Variants in CAPN7 observed in about 807,000 individuals in gnomAD.
The protein encoded by CAPN7 is calpain 7, also known as calpain-7.
A neutral mutation model predicts 115.2 loss-of-function variants in CAPN7; 72 were observed. That is an observed-to-expected ratio of 0.63 (90% CI 0.52 to 0.76). The LOEUF (loss-of-function observed/expected upper bound fraction) is 0.76, where lower values mean the gene tolerates loss of function less well. Among genes scored for constraint, CAPN7 ranks in the 30% least tolerant of loss-of-function variants. The pLI, the probability that CAPN7 is intolerant of heterozygous loss-of-function variation, is 0.00. For synonymous variants in CAPN7, 344 were observed against 322.3 expected (o/e 1.07, Z -0.72); for missense variants, 905 against 971.5 (o/e 0.93, Z 0.91).
chr3:15,229,679 G>C (rs1049996679), intron 8 of CAPN7, among the ~76,000 whole-genome samples: 1 of 145,276 alleles, frequency 6.9e-6, no homozygotes, highest in East Asian at 2.1e-4. Context: ...GGGTTCAAGC[G>C]ATTCTCCTGC....
chr3:15,221,084 G>T (rs1175036723), intron 5 of CAPN7, 103 bp downstream of exon 5: 6 of 865,230 alleles, frequency 6.9e-6, no homozygotes, highest in Non-Finnish European at 1.1e-5. Flanking sequence ...TTCTCCTATA[G>T]TGTATTGTGC....
At chr3:15,217,931 T>C (rs1693736170) in intron 3 of CAPN7, among the ~76,000 whole-genome samples, 1 of 152,230 alleles carries the variant, frequency 6.6e-6, no homozygotes, top group East Asian at 1.9e-4. Context: ...GCTAGTGGTT[T>C]GGATGAGCCT....
intron 2 of CAPN7, among the ~76,000 whole-genome samples, chr3:15,214,961 G>A (rs149528999): frequency 0.011 from 1,739 of 152,326 alleles, 36 homozygotes; most frequent in African/African-American, 0.037. Flanking sequence ...GGCCAAGGCT[G>A]TTGCTAAAAA....
intron 1 of CAPN7, among the ~76,000 whole-genome samples, chr3:15,208,633 A>C (rs1448438519): frequency 6.6e-6 from 1 of 152,016 alleles, no homozygotes; most frequent in African/African-American, 2.4e-5. Context: ...TTGGGCATTC[A>C]GTTGATTTTG....
chr3:15,252,300 C>G lies in CAPN7; in HGVS notation c.*1040C>G, dbSNP rs534095997. ...AATTGAAATAAAATGTTTATACTTA[C>G]GGATATTGCATAGTTTAAGTTAGAT... On this transcript the variant is annotated 3_prime_UTR_variant, in exon 21 of 21. Coordinates refer to ENST00000253693, the MANE Select transcript of CAPN7 (RefSeq NM_014296.3). The G allele has an allele frequency of 6.6e-6, 1 of 152,504 alleles. No individual in the cohort carries two copies. The allele number at this position is 152,504 out of a possible 1,614,324, so 9.4% of individuals were successfully genotyped here.
At chr3:15,219,159 G>A (rs1297829015) in intron 4 of CAPN7, among the ~76,000 whole-genome samples, 3 of 152,148 alleles carry the variant, frequency 2.0e-5, no homozygotes, top group African/African-American at 7.2e-5. Context: ...AGAGATTTTT[G>A]TCTATTTTAT....
intron 6 of CAPN7, 129 bp from the exon 7 acceptor site, chr3:15,227,710 G>A: frequency 2.2e-6 from 1 of 447,812 alleles, no homozygotes. Flanking sequence ...TGACCAGAAG[G>A]TTATTTTAAG....
Position 15,250,846 on chromosome 3 carries a change from G to A in CAPN7, c.2205-85G>A. ...AACTTCAGAAACATAAACTTAGTAT[G>A]ACATCTGCACTTCAGATAAAGTTAT... On this transcript the variant is annotated intron_variant, in intron 19 of 20. Transcript: ENST00000253693. 6 of 899,334 alleles carry A rather than the reference G, an allele frequency of 6.7e-6. No individual in the cohort carries two copies. In the South Asian group the frequency reaches 9.2e-5, roughly 14 times the overall value. 55.7% of individuals were successfully genotyped at this position (899,334 alleles called of 1,614,324 possible).
intron 19 of CAPN7, among the ~76,000 whole-genome samples, chr3:15,250,627 G>A (rs1388714768): frequency 6.6e-6 from 1 of 152,114 alleles, no homozygotes; most frequent in Non-Finnish European, 1.5e-5. Context: ...AGCCAAGATC[G>A]TGCCTCTGCA....
rs1695352753 is a variant in CAPN7 at position 15,241,584 on chromosome 3, A to G, written c.1784A>G (p.Asp595Gly). The change falls in exon 15 of 21, where the codon GAC becomes GGC. Residue 595 changes from aspartate to glycine, a missense_variant. Physicochemically the swap from Asp to Gly is moderately conservative, Grantham distance 94. This residue lies in a region of CAPN7 where 620 missense variants were observed against 703.4 expected (regional missense o/e 0.88). Coordinates refer to ENST00000253693, the MANE Select transcript of CAPN7 (RefSeq NM_014296.3). ...VWVLLSRHITDKDDFANNREF... is the reference protein window; with the variant it reads ...VWVLLSRHITGKDDFANNREF... ...GTTTTGCTTAGTAGACACATAACAG[A>G]CAAGGTACTGATACCCTTCTAATGA... is the stretch of plus-strand genomic sequence containing the variant. 6.2e-7 allele frequency: 1 copy of G among 1,613,556 alleles called. No homozygotes were observed. The highest frequency in any genetic ancestry group is 1.3e-5 in the African/African-American group (1 of 74,898).
chr3:15,235,553 G>C lies in CAPN7; in HGVS notation c.1407+408G>C, dbSNP rs375558495. On this transcript the variant is annotated intron_variant, in intron 12 of 20. Transcript: ENST00000253693. Reference sequence around the variant, plus strand: ...TGGAAGACAGTTTTTCCACAGACTGGGGGGTGGGTGGGAGCATGGTTTCAG... The same window carrying C: ...TGGAAGACAGTTTTTCCACAGACTGCGGGGTGGGTGGGAGCATGGTTTCAG... Among the ~76,000 whole-genome samples, 13 of 152,252 alleles carry C rather than the reference G, an allele frequency of 8.5e-5. No homozygotes were observed. The East Asian group carries it at 2.1e-3, about 25-fold the overall frequency.
rs1425234890 is a variant in CAPN7 at position 15,223,526 on chromosome 3, C to G, written c.690C>G (p.Asp230Glu). 6.2e-7 allele frequency: 1 copy of G among 1,606,910 alleles called. No individual in the cohort carries two copies. Among genetic ancestry groups the G allele is most frequent in the East Asian group, 2.3e-5 (1 of 44,400 alleles). ...AATATGTTCCTTTCATGAATGTTGA[C>G]CTGAGAGAACGTTTTGCCTATCCAA... ...GIEYVPFMNV[D>E]LRERFAYPMP... Residue 230 changes from aspartate to glutamate, a missense_variant, in exon 6 of 21, where the codon GAC becomes GAG. This residue lies in a region of CAPN7 where 620 missense variants were observed against 703.4 expected (regional missense o/e 0.88). Coordinates refer to ENST00000253693, the MANE Select transcript of CAPN7 (RefSeq NM_014296.3).
At chr3:15,248,392 A>C (rs1207206899) in intron 19 of CAPN7, among the ~76,000 whole-genome samples, 1 of 152,220 alleles carries the variant, frequency 6.6e-6, no homozygotes, top group East Asian at 1.9e-4. Flanking sequence ...AAAAAGCCAC[A>C]TGTACAGAAT....
chr3:15,219,267 A>T (rs989047932), intron 4 of CAPN7, among the ~76,000 whole-genome samples: 2 of 152,224 alleles, frequency 1.3e-5, no homozygotes, highest in African/African-American at 4.8e-5. Flanking sequence ...TAAGCGAATT[A>T]TATATCTTGA....
chr3:15,217,974 G>A (rs761482872), intron 3 of CAPN7, among the ~76,000 whole-genome samples: 6 of 152,194 alleles, frequency 3.9e-5, no homozygotes, highest in Non-Finnish European at 7.3e-5. Flanking sequence ...TGTATGCTGA[G>A]TGGCTTTTAC....
At position 15,217,404 on chromosome 3, in the gene CAPN7, G is replaced by GTT. The variant is rs779931501; in HGVS notation, c.212-20_212-19insTT. The GTT allele has an allele frequency of 3.2e-6, 5 of 1,566,170 alleles. No homozygotes were observed. In the African/African-American group the frequency reaches 7.0e-5, roughly 22 times the overall value. ...TGTATTTAGATAATACTCCTTCTGC[G>GTT]TATTTTTTTTTCTATCCTAGTTCAG... On this transcript the variant is annotated intron_variant, in intron 2 of 20. Transcript: ENST00000253693.
At chr3:15,216,621 T>C (rs1221338442) in intron 2 of CAPN7, among the ~76,000 whole-genome samples, 1 of 152,136 alleles carries the variant, frequency 6.6e-6, no homozygotes, top group East Asian at 1.9e-4. Flanking sequence ...TCAGGGTAAA[T>C]AGAAAAAGCA....
Position 15,220,373 on chromosome 3 carries a change from A to G in CAPN7, c.438-408A>G, listed in dbSNP as rs146937289. On this transcript the variant is annotated intron_variant, in intron 4 of 20. Transcript: ENST00000253693. ...GAGCACCCTTCTCCAACTCATCCCCACTTGGCAATTCATTAAGTGAATAAC... is the reference window on the plus strand; with the variant it reads ...GAGCACCCTTCTCCAACTCATCCCCGCTTGGCAATTCATTAAGTGAATAAC... 1.4e-3 allele frequency among the ~76,000 whole-genome samples: 220 copies of G among 152,200 alleles called. 1 individual carries two copies. The highest frequency in any genetic ancestry group is 5.1e-3 in the African/African-American group (212 of 41,514).
At chr3:15,228,029 T>A in intron 7 of CAPN7, 64 bp downstream of exon 7, 1 of 1,262,612 alleles carries the variant, frequency 7.9e-7, no homozygotes, top group East Asian at 2.8e-5. Context: ...TGTGTATAGA[T>A]TTGAGTTTTT....
Sources: gnomAD v4.1 joint callset for allele counts (sites outside exome capture counted in the v4.1 genomes callset) on GRCh38, gnomAD v4.1.1 for gene constraint, gnomAD v4.1.1 regional missense constraint, MANE v1.5 for transcripts, NCBI Gene and HGNC (gene_info 2026-07-23, HGNC 2026-07-21) for gene names.